The following CLSTN2 variants were observed in gnomAD, a reference collection of about 807,000 sequenced individuals.
CLSTN2 encodes calsyntenin 2.
A neutral mutation model predicts 101.2 loss-of-function variants in CLSTN2; 48 were observed. The ratio of observed to expected loss-of-function variants is 0.47; its 90% confidence interval spans 0.38 to 0.60. The LOEUF (loss-of-function observed/expected upper bound fraction) is 0.60. Among genes scored for constraint, CLSTN2 ranks in the 20% least tolerant of loss-of-function variants. The probability of loss-of-function intolerance (pLI) is 0.00; values close to 1 mark genes in which losing one functional copy is unlikely to be tolerated. For synonymous variants in CLSTN2, 481 were observed against 463.6 expected (o/e 1.04, Z -0.48); for missense variants, 1,160 against 1,238.2 (o/e 0.94, Z 0.95).
chr3:140,307,406 G>A (rs1172254390), intron 2 of CLSTN2, among the ~76,000 whole-genome samples: 1 of 152,146 alleles, frequency 6.6e-6, no homozygotes, highest in African/African-American at 2.4e-5. Context: ...CTCTTTGGCA[G>A]AGCAGGGCAT....
At chr3:140,363,780 G>A (rs559274956) in intron 2 of CLSTN2, among the ~76,000 whole-genome samples, 148 of 152,300 alleles carry the variant, frequency 9.7e-4, no homozygotes, top group African/African-American at 3.5e-3. Flanking sequence ...TCCAAGTTGG[G>A]TTTCACGAAG....
intron 1 of CLSTN2, among the ~76,000 whole-genome samples, chr3:140,012,571 A>T (rs942013516): frequency 6.6e-6 from 1 of 152,116 alleles, no homozygotes. Context: ...AGGAAGAGGG[A>T]TGACCAGCAA....
At chr3:140,559,341 GAT>G (rs1329203725) in intron 12 of CLSTN2, among the ~76,000 whole-genome samples, 2 of 151,968 alleles carry the variant, frequency 1.3e-5, no homozygotes, top group African/African-American at 2.4e-5. Context: ...AAAAGCTAAA[GAT>G]ATATAAAGAA....
At chr3:140,065,325 G>T (rs1473625525) in intron 1 of CLSTN2, among the ~76,000 whole-genome samples, 2 of 152,182 alleles carry the variant, frequency 1.3e-5, no homozygotes, top group African/African-American at 2.4e-5. Flanking sequence ...TCTGGGCCCT[G>T]CGTTTCACCT....
At chr3:140,309,967 C>T (rs1469829619) in intron 2 of CLSTN2, among the ~76,000 whole-genome samples, 5 of 152,136 alleles carry the variant, frequency 3.3e-5, no homozygotes, top group Non-Finnish European at 5.9e-5. Flanking sequence ...GCTTGTTCCC[C>T]AGTCATCCTG....
intron 2 of CLSTN2, among the ~76,000 whole-genome samples, chr3:140,185,825 G>A (rs1435465457): frequency 6.6e-6 from 1 of 152,198 alleles, no homozygotes; most frequent in Non-Finnish European, 1.5e-5. Context: ...GATGTGCCCA[G>A]ATGGGAGGGA....
intron 4 of CLSTN2, among the ~76,000 whole-genome samples, chr3:140,405,757 A>G (rs10513111): frequency 0.14 from 20,763 of 152,234 alleles, 1,825 homozygotes; most frequent in African/African-American, 0.25. Context: ...TTAGCTGTAA[A>G]TTTCAACACC....
chr3:140,135,356 C>T (rs936920213), intron 1 of CLSTN2, among the ~76,000 whole-genome samples: 36 of 151,848 alleles, frequency 2.4e-4, no homozygotes, highest in African/African-American at 7.5e-4. Flanking sequence ...CTTTGGGAAG[C>T]TCTGGCAAGT....
intron 8 of CLSTN2, among the ~76,000 whole-genome samples, chr3:140,530,840 G>C (rs1281864938): frequency 6.6e-6 from 1 of 152,150 alleles, no homozygotes; most frequent in Non-Finnish European, 1.5e-5. Flanking sequence ...CCTGCCCAGG[G>C]CCTGACCAGA....
chr3:140,267,295 A>C (rs72990157), intron 2 of CLSTN2, among the ~76,000 whole-genome samples: 5,276 of 152,272 alleles, frequency 0.035, 193 homozygotes, highest in African/African-American at 0.087. Context: ...GCTTGAGGAG[A>C]AAATACAGAG....
At position 139,958,206 on chromosome 3, in the gene CLSTN2, GGGGTAC is replaced by G. The variant is rs1935445091; in HGVS notation, c.109+22724_109+22729del. 2.0e-5 allele frequency among the ~76,000 whole-genome samples: 3 copies of G among 152,216 alleles called. No individual in the cohort carries two copies. In the East Asian group the frequency reaches 5.8e-4, roughly 29 times the overall value. ...CTGGATACATTGTTGCCCCTTGGCA[GGGGTAC>G]AGCCACCAGAACATTTGCCCCATTG... On this transcript the variant is annotated intron_variant, in intron 1 of 16. Transcript: ENST00000458420.
intron 2 of CLSTN2, among the ~76,000 whole-genome samples, chr3:140,368,916 G>A (rs1359119036): frequency 6.6e-6 from 1 of 152,082 alleles, no homozygotes; most frequent in East Asian, 1.9e-4. Context: ...CGGTGTTCTG[G>A]GTAACCTTTA....
At chr3:140,429,690 G>C (rs77015061) in intron 5 of CLSTN2, among the ~76,000 whole-genome samples, 14,320 of 152,178 alleles carry the variant, frequency 0.094, 795 homozygotes, top group East Asian at 0.19. Context: ...AGACTCAGGG[G>C]AGGGAGACCA....
At chr3:140,372,954 A>T (rs1156660916) in intron 2 of CLSTN2, among the ~76,000 whole-genome samples, 1 of 152,198 alleles carries the variant, frequency 6.6e-6, no homozygotes, top group Non-Finnish European at 1.5e-5. Context: ...CTGTAGTCCT[A>T]GCTACTCAGC....
chr3:140,269,650 A>G (rs371986501), intron 2 of CLSTN2, among the ~76,000 whole-genome samples: 1 of 152,358 alleles, frequency 6.6e-6, no homozygotes, highest in Admixed American at 6.5e-5. Context: ...CTCTGTGTGC[A>G]TAGCCCCACT....
At position 140,568,498 on chromosome 3, in the gene CLSTN2, T is replaced by C. The variant is rs1354592575; in HGVS notation, c.*2245T>C. 1 of 152,238 alleles carries C rather than the reference T, an allele frequency of 6.6e-6. No homozygotes were observed. The highest frequency in any genetic ancestry group is 2.4e-5 in the African/African-American group (1 of 41,458). The allele number at this position is 152,238 out of a possible 1,614,324, so 9.4% of individuals were successfully genotyped here. ...CAAATAGCCCTTTTCTATTAGGCTG[T>C]GTCTGTACATCCACAAGAGGAAAGT... On this transcript the variant is annotated 3_prime_UTR_variant, in exon 17 of 17. Transcript: ENST00000458420.
In CLSTN2 at chr3:140,033,930, C is replaced by T. The variant is rs191964390; in HGVS notation, c.109+98447C>T. On this transcript the variant is annotated intron_variant, in intron 1 of 16. Transcript: ENST00000458420. ...AAATAATTAGCTTTACCTTAATATG[C>T]GGGAGAGAAAATGTCTCTCATTAGC... Among the ~76,000 whole-genome samples the T allele has an allele frequency of 1.2e-3, 188 of 152,152 alleles. 1 individual carries two copies. Among genetic ancestry groups the T allele is most frequent in the Non-Finnish European group, 3.5e-4 (24 of 68,022 alleles).
chr3:139,982,490 G>A (rs897632831), intron 1 of CLSTN2, among the ~76,000 whole-genome samples: 3 of 152,228 alleles, frequency 2.0e-5, no homozygotes, highest in African/African-American at 7.2e-5. Context: ...GCAAATGCTA[G>A]AAAGTTTTCA....
intron 5 of CLSTN2, among the ~76,000 whole-genome samples, chr3:140,427,184 A>AC (rs1491323070): frequency 4.2e-5 from 4 of 94,202 alleles, no homozygotes; most frequent in Non-Finnish European, 1.8e-5. Flanking sequence ...AAAAAAAAAA[A>AC]ATATATATAT....
Sources: allele counts gnomAD v4.1 joint callset (sites outside exome capture counted in the v4.1 genomes callset), GRCh38; gene constraint gnomAD v4.1.1; transcripts MANE v1.5; gene names NCBI Gene and HGNC (gene_info 2026-07-23, HGNC 2026-07-21).